FAM149B1: variants seen among roughly 807,000 people sequenced by gnomAD.
The protein encoded by FAM149B1 is primary cilium assembly protein FAM149B1.
Under a neutral mutation model 75.3 loss-of-function variants are expected in FAM149B1, and 56 were observed. The ratio of observed to expected loss-of-function variants is 0.74; its 90% CI spans 0.60 to 0.93. The LOEUF (loss-of-function observed/expected upper bound fraction) is 0.93. Among genes scored for constraint, FAM149B1 ranks in the 40% least tolerant of loss-of-function variants. The pLI, the probability that FAM149B1 is intolerant of heterozygous loss-of-function variation, is 0.00. For missense variants in FAM149B1, 639 were observed against 708.4 expected (o/e 0.90, Z 1.11); for synonymous variants, 259 against 256.1 (o/e 1.01, Z -0.11).
chr10:73,213,325 G>A (rs1427616640), intron 7 of FAM149B1, among the ~76,000 whole-genome samples: 4 of 152,116 alleles, frequency 2.6e-5, no homozygotes, highest in Non-Finnish European at 2.9e-5. Context: ...AAGCTTTTTA[G>A]TTTAATTGAA....
intron 1 of FAM149B1, 28 bp from the exon 2 acceptor site, chr10:73,174,659 A>G: frequency 6.9e-7 from 1 of 1,440,674 alleles, no homozygotes; most frequent in Non-Finnish European, 9.5e-7. Context: ...TTTATACAGG[A>G]AATATAACTT....
intron 5 of FAM149B1, among the ~76,000 whole-genome samples, chr10:73,207,686 G>A (rs1412446812): frequency 6.6e-6 from 1 of 152,230 alleles, no homozygotes; most frequent in Non-Finnish European, 1.5e-5. Flanking sequence ...CAGGGTCTTG[G>A]AAGCCTACCG....
chr10:73,210,313 C>T lies in FAM149B1; in HGVS notation c.773C>T (p.Pro258Leu). ...ACAGAGAAACAGAAATTAGGGTATC[C>T]TCCCATTGCTCCATTTTACTGCATG... is the stretch of plus-strand genomic sequence containing the variant. The part of the protein sequence containing the change: ...AATEKQKLGY[P>L]PIAPFYCMKE... Residue 258 changes from proline (P) to leucine (L), a missense_variant, in exon 7 of 14, where the codon CCT becomes CTT. By Grantham distance (98) the Pro-to-Leu change is moderately conservative. Coordinates refer to ENST00000242505, the MANE Select transcript of FAM149B1 (RefSeq NM_173348.2). The T allele has an allele frequency of 1.9e-6, 3 of 1,550,558 alleles. No individual in the cohort carries two copies. The highest frequency in any genetic ancestry group is 2.6e-6 in the Non-Finnish European group (3 of 1,145,862).
chr10:73,223,017 G>A (rs1323588287), intron 7 of FAM149B1, among the ~76,000 whole-genome samples: 1 of 152,134 alleles, frequency 6.6e-6, no homozygotes, highest in Non-Finnish European at 1.5e-5. Flanking sequence ...CTACTCAGGG[G>A]ACTAAAGCAG....
intron 12 of FAM149B1, among the ~76,000 whole-genome samples, chr10:73,236,628 G>A (rs529678614): frequency 6.6e-6 from 1 of 151,854 alleles, no homozygotes; most frequent in Non-Finnish European, 1.5e-5. Flanking sequence ...TGGCCAGGCT[G>A]GTCTCGAACT....
chr10:73,181,903 T>C (rs1021939948), intron 3 of FAM149B1, among the ~76,000 whole-genome samples: 5 of 152,222 alleles, frequency 3.3e-5, no homozygotes, highest in African/African-American at 1.2e-4. Flanking sequence ...TAATATTTCC[T>C]TTATATATCT....
rs1251466271 is a variant in FAM149B1 at position 73,235,296 on chromosome 10, C to G, written c.1580C>G (p.Pro527Arg). ...CTTTTGCCCGACTTTTTCCCCAGGC[C>G]CAACACAACTCAATCATTTTTGGTA... Reference protein sequence around the residue: ...RLLLPDFFPRPNTTQSFLLDT... With the variant: ...RLLLPDFFPRRNTTQSFLLDT... The change falls in exon 12 of 14, where the codon CCC (proline) becomes CGC (arginine). Residue 527 changes from proline to arginine, a missense_variant. Coordinates refer to ENST00000242505, the MANE Select transcript of FAM149B1 (RefSeq NM_173348.2). 13 of 1,551,936 alleles carry G rather than the reference C, an allele frequency of 8.4e-6. No homozygotes were observed. The highest frequency in any genetic ancestry group is 1.0e-5 in the Non-Finnish European group (12 of 1,147,072).
chr10:73,209,963 C>A (rs935400431), intron 6 of FAM149B1, among the ~76,000 whole-genome samples: 2 of 152,126 alleles, frequency 1.3e-5, no homozygotes, highest in Non-Finnish European at 2.9e-5. Flanking sequence ...GTGCACACAG[C>A]CCTAGGGCCA....
rs2043984067 is a variant in FAM149B1 at position 73,244,307 on chromosome 10, G to C, written c.*3288G>C. 3 of 182,994 alleles carry C rather than the reference G, an allele frequency of 1.6e-5. No homozygotes were observed. The South Asian group carries it at 3.4e-4, about 21-fold the overall frequency. 11.3% of individuals were successfully genotyped at this position (182,994 alleles called of 1,614,324 possible). ...ACTCAGGAGTTCAAGACCTGCCTGG[G>C]TAACATAGTGAGACCTCAGTTCTAT... On this transcript the variant is annotated 3_prime_UTR_variant, in exon 14 of 14. Transcript: ENST00000242505.
intron 7 of FAM149B1, among the ~76,000 whole-genome samples, chr10:73,212,032 A>C (rs1487785224): frequency 1.3e-5 from 2 of 152,190 alleles, no homozygotes; most frequent in Non-Finnish European, 2.9e-5. Context: ...TTCACTTATA[A>C]GTGAGAACAT....
chr10:73,232,847 AGT>A (rs1437954646), intron 9 of FAM149B1, 90 bp from the exon 10 acceptor site: 2 of 732,846 alleles, frequency 2.7e-6, no homozygotes, highest in Non-Finnish European at 4.7e-6. Flanking sequence ...CCCTAAATGT[AGT>A]TTCTAGTCTA....
At chr10:73,194,463 G>C (rs1350944104) in intron 5 of FAM149B1, among the ~76,000 whole-genome samples, 4 of 151,358 alleles carry the variant, frequency 2.6e-5, no homozygotes, top group African/African-American at 4.9e-5. Flanking sequence ...CGCAGTCTTG[G>C]CTCACTGCAA....
At chr10:73,235,568 ACAAG>A (rs1037837521) in intron 12 of FAM149B1, 35 of 700,570 alleles carry the variant, frequency 5.0e-5, no homozygotes, top group Non-Finnish European at 7.2e-5. Context: ...ATGTCTGACC[ACAAG>A]CAAGAATATT....
Position 73,212,784 on chromosome 10 carries a change from G to C in FAM149B1, c.898+2346G>C, listed in dbSNP as rs1029466234. 2.6e-5 allele frequency among the ~76,000 whole-genome samples: 4 copies of C among 151,624 alleles called. No individual in the cohort carries two copies. In the South Asian group the frequency reaches 6.3e-4, roughly 24 times the overall value. On this transcript the variant is annotated intron_variant, in intron 7 of 13. Coordinates refer to ENST00000242505, the MANE Select transcript of FAM149B1 (RefSeq NM_173348.2). ...CCAACATCAGTCGTTTTTCATGTTT[G>C]TTGGATGCTTGTATGTCTTCTTTTG...
Position 73,168,255 on chromosome 10 carries a change from G to T in FAM149B1, c.-85G>T. The stretch of plus-strand genomic sequence containing the variant: ...CGGGAGGGGCCGGGCCGGAGCCGGC[G>T]GGAGGGCCAGGCCCGGAGGCCCCCA... On this transcript the variant is annotated 5_prime_UTR_variant, in exon 1 of 14. Coordinates refer to ENST00000242505, the MANE Select transcript of FAM149B1 (RefSeq NM_173348.2). 6.9e-7 allele frequency: 1 copy of T among 1,457,624 alleles called. No homozygotes were observed. The highest frequency in any genetic ancestry group is 9.3e-7 in the Non-Finnish European group (1 of 1,078,162). 90.3% of individuals were successfully genotyped at this position (1,457,624 alleles called of 1,614,324 possible). A position where few individuals can be genotyped will look rare whatever the true frequency, so the allele number is the denominator to read the frequency against.
intron 5 of FAM149B1, among the ~76,000 whole-genome samples, chr10:73,199,193 C>T (rs1235609329): frequency 8.4e-6 from 1 of 118,518 alleles, no homozygotes; most frequent in East Asian, 2.5e-4. Context: ...AACTGTTATC[C>T]TTTTTTGTTG....
chr10:73,174,766 C>A lies in FAM149B1; in HGVS notation c.127C>A (p.His43Asn), dbSNP rs1415126630. 11 of 1,550,222 alleles carry A rather than the reference C, an allele frequency of 7.1e-6. No individual in the cohort carries two copies. Among genetic ancestry groups the A allele is most frequent in the Non-Finnish European group, 9.6e-6 (11 of 1,145,806 alleles). ...LEEISPTSDS[H>N]EKDTSSQSKS... ...GGAAATTTCCCCCACCAGTGACAGT[C>A]ATGAGAAAGACACAAGTTCCCAAAG... Residue 43 changes from histidine to asparagine, a missense_variant, in exon 2 of 14, where the codon CAT becomes AAT. His to Asn is a moderately conservative substitution (Grantham distance 68). Transcript: ENST00000242505.
At chr10:73,223,197 GCTTT>G (rs2043457530) in intron 7 of FAM149B1, among the ~76,000 whole-genome samples, 2 of 150,288 alleles carry the variant, frequency 1.3e-5, no homozygotes, top group South Asian at 2.1e-4. Flanking sequence ...CCTTTCTCAT[GCTTT>G]CTTTCAGTCA....
intron 3 of FAM149B1, among the ~76,000 whole-genome samples, chr10:73,179,346 C>T (rs1368845060): frequency 2.6e-5 from 4 of 152,060 alleles, no homozygotes; most frequent in Admixed American, 6.6e-5. Context: ...TATTATGCTG[C>T]ATTTCTTCAC....
Sources: allele counts gnomAD v4.1 joint callset (sites outside exome capture counted in the v4.1 genomes callset), GRCh38; gene constraint gnomAD v4.1.1; transcripts MANE v1.5; gene names NCBI Gene and HGNC (gene_info 2026-07-23, HGNC 2026-07-21).